Variants in WDPCP observed in about 807,000 individuals in gnomAD.
WDPCP encodes WD repeat containing planar cell polarity effector.
A neutral mutation model predicts 93.1 loss-of-function variants in WDPCP; 71 were observed. The observed-to-expected ratio is 0.76, with a 90% CI of 0.63 to 0.93. The LOEUF is 0.93. Among genes scored for constraint, WDPCP ranks in the 40% least tolerant of loss-of-function variants. WDPCP has a pLI of 0.00. For missense variants in WDPCP, 844 were observed against 887.4 expected, an observed-to-expected ratio of 0.95 and a Z score of 0.62; for synonymous variants, 315 against 315.0, an observed-to-expected ratio of 1.00 and a Z score of 0.00.
At chr2:63,136,880 G>A (rs1299747924) in intron 17 of WDPCP, among the ~76,000 whole-genome samples, 4 of 152,048 alleles carry the variant, frequency 2.6e-5, no homozygotes, top group Non-Finnish European at 5.9e-5. Flanking sequence ...TCCCTGAATG[G>A]GACATGATCT....
At chr2:63,793,873 TGTGTGTG>T (rs1236704916) in intron 2 of WDPCP, among the ~76,000 whole-genome samples, 10 of 46,796 alleles carry the variant, frequency 2.1e-4, no homozygotes, top group Non-Finnish European at 3.4e-4. Flanking sequence ...ACTTACATTG[TGTGTGTG>T]TGTGTGTGTG....
At chr2:63,605,196 T>G (rs1709503173) in intron 3 of WDPCP, 1 of 892,526 alleles carries the variant, frequency 1.1e-6, no homozygotes, top group East Asian at 2.6e-5. Context: ...TCATAGCTTT[T>G]CACCCCAAGG....
chr2:63,782,222 C>G (rs1047487509), intron 2 of WDPCP, among the ~76,000 whole-genome samples: 2 of 152,104 alleles, frequency 1.3e-5, no homozygotes, highest in Non-Finnish European at 2.9e-5. Flanking sequence ...TAGAATAAAA[C>G]CCAGGGAAAA....
chr2:63,551,461 C>G lies in WDPCP; in HGVS notation c.75+36736G>C, dbSNP rs187997547. ...TTATTTAAGAGTCTGGAACCTCCCC[C>G]TCTTGCCATGTGATACAATGACAAT... On this transcript the variant is annotated intron_variant, in intron 1 of 17. Transcript: ENST00000272321. Among the ~76,000 whole-genome samples the G allele has an allele frequency of 5.9e-5, 9 of 152,274 alleles. No individual in the cohort carries two copies. In the East Asian group the frequency reaches 1.7e-3, roughly 29 times the overall value.
At chr2:63,362,699 C>T (rs1575230174) in intron 12 of WDPCP, among the ~76,000 whole-genome samples, 2 of 152,092 alleles carry the variant, frequency 1.3e-5, no homozygotes, top group South Asian at 4.1e-4. Context: ...GGGTCTCACT[C>T]TGTCACCCAG....
chr2:63,828,449 C>G (rs1443138596), upstream of WDPCP, among the ~76,000 whole-genome samples: 1 of 152,124 alleles, frequency 6.6e-6, no homozygotes, highest in Non-Finnish European at 1.5e-5. Context: ...CATTCTCCTT[C>G]CCCCAAGAAT....
At chr2:63,415,636 T>A (rs1264484120) in intron 9 of WDPCP, among the ~76,000 whole-genome samples, 3 of 152,150 alleles carry the variant, frequency 2.0e-5, no homozygotes, top group African/African-American at 7.2e-5. Context: ...AAAACTAAGA[T>A]CTCTGCAAGA....
chr2:63,826,645 G>A (rs1671117735), intron 1 of WDPCP, among the ~76,000 whole-genome samples: 1 of 152,012 alleles, frequency 6.6e-6, no homozygotes, highest in African/African-American at 2.4e-5. Flanking sequence ...CCTTACTCTT[G>A]CATAACCAAA....
intron 14 of WDPCP, among the ~76,000 whole-genome samples, chr2:63,248,240 C>A (rs1680444513): frequency 6.6e-6 from 1 of 152,050 alleles, no homozygotes; most frequent in Non-Finnish European, 1.5e-5. Flanking sequence ...ACATATAATT[C>A]TTGGTTAATC....
At chr2:63,219,006 G>A (rs961950237) in intron 14 of WDPCP, among the ~76,000 whole-genome samples, 5 of 152,126 alleles carry the variant, frequency 3.3e-5, no homozygotes, top group Admixed American at 1.3e-4. Context: ...CCTGAAATAC[G>A]TGCTGAACTA....
At chr2:63,485,124 T>C (rs1700493371) in intron 4 of WDPCP, 137 bp from the exon 5 acceptor site, 1 of 860,044 alleles carries the variant, frequency 1.2e-6, no homozygotes, top group African/African-American at 1.7e-5. Context: ...CATCATCAAA[T>C]GACAGCCTTA....
chr2:63,416,155 G>A (rs1293337260), intron 9 of WDPCP, among the ~76,000 whole-genome samples: 1 of 150,770 alleles, frequency 6.6e-6, no homozygotes, highest in East Asian at 1.9e-4. Context: ...AGATAAAAAG[G>A]AAAACTAAGT....
At chr2:63,508,804 T>G (rs190112538) in intron 1 of WDPCP, among the ~76,000 whole-genome samples, 1 of 152,020 alleles carries the variant, frequency 6.6e-6, no homozygotes, top group African/African-American at 2.4e-5. Context: ...CAAAACAGAC[T>G]TTAAACCAAC....
intron 12 of WDPCP, among the ~76,000 whole-genome samples, chr2:63,324,092 T>G (rs1300345453): frequency 6.6e-6 from 1 of 152,172 alleles, no homozygotes. Flanking sequence ...GGCCCCAATA[T>G]TCTCTCTCTG....
chr2:63,153,445 A>G (rs1433108317), intron 16 of WDPCP, 50 bp downstream of exon 16: 3 of 1,426,494 alleles, frequency 2.1e-6, no homozygotes, highest in Non-Finnish European at 2.0e-6. Flanking sequence ...AAGCTATAAC[A>G]TAGTTTTTCT....
chr2:63,661,308 C>T (rs1306778059), intron 2 of WDPCP, among the ~76,000 whole-genome samples: 1 of 152,188 alleles, frequency 6.6e-6, no homozygotes, highest in Non-Finnish European at 1.5e-5. Context: ...TCCTCTCAGA[C>T]TACAGAATTG....
intron 14 of WDPCP, among the ~76,000 whole-genome samples, chr2:63,256,837 A>G (rs1681193521): frequency 6.6e-6 from 1 of 152,206 alleles, no homozygotes; most frequent in African/African-American, 2.4e-5. Context: ...ATACAAAAGA[A>G]TATAGGTATG....
the WDPCP span, among the ~76,000 whole-genome samples, chr2:63,839,451 G>C: frequency 2.5e-4 from 38 of 152,304 alleles, no homozygotes; most frequent in Non-Finnish European, 5.0e-4. Context: ...CCAGCTACTC[G>C]AGAGGCTAAG....
chr2:63,691,873 AGTGTGTGTGTGTGTGTGTGT>A (rs71393325), intron 2 of WDPCP, among the ~76,000 whole-genome samples: 4 of 145,088 alleles, frequency 2.8e-5, no homozygotes, highest in South Asian at 2.2e-4. Flanking sequence ...TATACTACAA[AGTGTGTGTGTGTGTGTGTGT>A]GTGTGTGTGT....
Sources: gnomAD v4.1 joint callset for allele counts (sites outside exome capture counted in the v4.1 genomes callset) on GRCh38, gnomAD v4.1.1 for gene constraint, MANE v1.5 for transcripts, NCBI Gene and HGNC (gene_info 2026-07-23, HGNC 2026-07-21) for gene names.